Variants in SPRED1 observed in about 807,000 individuals in gnomAD.
The protein encoded by SPRED1 is sprouty related EVH1 domain containing 1.
Under a neutral mutation model 52.3 loss-of-function variants are expected in SPRED1, and 18 were observed. The observed-to-expected ratio is 0.34, with a 90% CI of 0.24 to 0.51. SPRED1 has a LOEUF of 0.51. SPRED1 is among the 20% of genes least tolerant of loss of function. SPRED1 has a pLI of 0.97. For synonymous variants in SPRED1, 155 were observed against 179.7 expected, an observed-to-expected ratio of 0.86 and a Z score of 1.10; for missense variants, 485 against 551.0, an observed-to-expected ratio of 0.88 and a Z score of 1.20.
At chr15:38,259,687 G>A (rs910305799) in intron 1 of SPRED1, among the ~76,000 whole-genome samples, 2 of 134,954 alleles carry the variant, frequency 1.5e-5, no homozygotes, top group African/African-American at 5.3e-5. Context: ...TTTACTTACA[G>A]AAGTAAGTTT....
rs766814966 is a variant in SPRED1 at position 38,351,267 on chromosome 15, C to T, written c.938C>T (p.Thr313Met). 44 of 1,613,904 alleles carry T rather than the reference C, an allele frequency of 2.7e-5. No individual in the cohort carries two copies. In the Admixed American group the frequency reaches 4.0e-4, roughly 15 times the overall value. Residue 313 changes from threonine (T) to methionine (M), a missense_variant, in exon 7 of 7, where the codon ACG becomes ATG. Coordinates refer to ENST00000299084, the MANE Select transcript of SPRED1 (RefSeq NM_152594.3). Reference sequence around the variant, plus strand: ...CCCAAAGACTCTGTGGTATTTAAGACGCAGCCTTCCTCATTAAAAATTAAG... The same window carrying T: ...CCCAAAGACTCTGTGGTATTTAAGATGCAGCCTTCCTCATTAAAAATTAAG... ...SSPKDSVVFKTQPSSLKIKKS... is the reference protein window; with the variant it reads ...SSPKDSVVFKMQPSSLKIKKS...
chr15:38,297,839 A>G (rs1430970455), intron 1 of SPRED1, among the ~76,000 whole-genome samples: 1 of 152,170 alleles, frequency 6.6e-6, no homozygotes, highest in East Asian at 1.9e-4. Context: ...TTTCACACGT[A>G]AGTTTGAGGC....
intron 1 of SPRED1, among the ~76,000 whole-genome samples, chr15:38,282,612 G>A (rs1250751495): frequency 2.0e-5 from 3 of 152,254 alleles, no homozygotes; most frequent in Admixed American, 6.5e-5. Context: ...CACTGATGTC[G>A]ATGGATAAGC....
intron 5 of SPRED1, among the ~76,000 whole-genome samples, chr15:38,349,206 A>G (rs1431860291): frequency 1.3e-5 from 2 of 152,104 alleles, no homozygotes; most frequent in African/African-American, 4.8e-5. Flanking sequence ...TTTTTTGACT[A>G]TGTATTCATT....
chr15:38,266,522 G>C (rs945352350), intron 1 of SPRED1, among the ~76,000 whole-genome samples: 18 of 151,976 alleles, frequency 1.2e-4, no homozygotes, highest in African/African-American at 4.1e-4. Context: ...CATGCCTGTA[G>C]TCCCAGCTAC....
At chr15:38,261,560 T>G (rs566478021) in intron 1 of SPRED1, among the ~76,000 whole-genome samples, 1 of 152,156 alleles carries the variant, frequency 6.6e-6, no homozygotes, top group South Asian at 2.1e-4. Context: ...AATTTGTTTT[T>G]GTTTTTGTTT....
chr15:38,282,506 C>CAA (rs373880075), intron 1 of SPRED1, among the ~76,000 whole-genome samples: 15 of 125,796 alleles, frequency 1.2e-4, no homozygotes, highest in South Asian at 2.6e-4. Flanking sequence ...GACCCCGTCT[C>CAA]AAAAAAAAAA....
intron 1 of SPRED1, among the ~76,000 whole-genome samples, chr15:38,275,164 T>TA (rs549711781): frequency 3.3e-5 from 5 of 152,256 alleles, no homozygotes; most frequent in Non-Finnish European, 7.3e-5. Context: ...TGGAATTTTA[T>TA]AGAAGAGCCT....
At chr15:38,296,439 T>G (rs1408966026) in intron 1 of SPRED1, among the ~76,000 whole-genome samples, 1 of 152,198 alleles carries the variant, frequency 6.6e-6, no homozygotes, top group Non-Finnish European at 1.5e-5. Context: ...CTGGTTCATG[T>G]GTAATATAGT....
chr15:38,255,733 C>T lies in SPRED1; in HGVS notation c.32+2516C>T, dbSNP rs1566845245. Among the ~76,000 whole-genome samples the T allele has an allele frequency of 2.0e-5, 3 of 152,240 alleles. No individual in the cohort carries two copies. In the East Asian group the frequency reaches 5.8e-4, roughly 29 times the overall value. ...GTATCATGGCAGAAGCCATTAAGGC[C>T]TTAGCACAGTTTAAAACTGCCCTGT... On this transcript the variant is annotated intron_variant, in intron 1 of 6. Transcript: ENST00000299084.
chr15:38,310,302 G>A (rs952493462), intron 2 of SPRED1, among the ~76,000 whole-genome samples: 3 of 151,908 alleles, frequency 2.0e-5, no homozygotes, highest in Non-Finnish European at 2.9e-5. Flanking sequence ...CACCACGCTC[G>A]CTAATTTTTG....
chr15:38,316,493 A>C (rs1895482594), intron 2 of SPRED1, among the ~76,000 whole-genome samples: 1 of 152,030 alleles, frequency 6.6e-6, no homozygotes, highest in Non-Finnish European at 1.5e-5. Flanking sequence ...TAAGCAACTT[A>C]GATTTGTTAA....
intron 2 of SPRED1, among the ~76,000 whole-genome samples, chr15:38,317,835 A>AT (rs1182861735): frequency 0.011 from 1,258 of 115,948 alleles, 16 homozygotes; most frequent in African/African-American, 0.036. Flanking sequence ...AACCCCATTG[A>AT]TTTTTTTTTT....
chr15:38,264,159 C>T (rs1393857341), intron 1 of SPRED1, among the ~76,000 whole-genome samples: 1 of 152,162 alleles, frequency 6.6e-6, no homozygotes, highest in African/African-American at 2.4e-5. Flanking sequence ...TTTAATCCTT[C>T]TAAAGATCAT....
intron 1 of SPRED1, among the ~76,000 whole-genome samples, chr15:38,292,085 T>G (rs1894935079): frequency 6.6e-6 from 1 of 152,230 alleles, no homozygotes; most frequent in African/African-American, 2.4e-5. Flanking sequence ...TAGAAATTTC[T>G]TCCCCCAGAT....
chr15:38,321,396 A>G (rs956157072), intron 2 of SPRED1, among the ~76,000 whole-genome samples: 1 of 152,048 alleles, frequency 6.6e-6, no homozygotes, highest in Non-Finnish European at 1.5e-5. Context: ...CGGTCATTCC[A>G]CTCTAAGCTC....
chr15:38,310,144 TGTGTGTGTG>T (rs1566863193), intron 2 of SPRED1, among the ~76,000 whole-genome samples: 15 of 136,110 alleles, frequency 1.1e-4, no homozygotes, highest in South Asian at 5.1e-4. Context: ...TGTGTGTGTG[TGTGTGTGTG>T]TTTGGAGACG....
intron 2 of SPRED1, among the ~76,000 whole-genome samples, chr15:38,312,301 G>T (rs1462039375): frequency 6.6e-6 from 1 of 152,120 alleles, no homozygotes; most frequent in African/African-American, 2.4e-5. Context: ...TAGAAATCCA[G>T]TGAGAGAAAA....
chr15:38,343,618 G>A (rs1204333208), intron 5 of SPRED1, among the ~76,000 whole-genome samples: 1 of 152,014 alleles, frequency 6.6e-6, no homozygotes, highest in Non-Finnish European at 1.5e-5. Context: ...AAAACTTCTA[G>A]ATCATCTGGG....
Sources: gnomAD v4.1 joint callset for allele counts (sites outside exome capture counted in the v4.1 genomes callset) on GRCh38, gnomAD v4.1.1 for gene constraint, MANE v1.5 for transcripts, NCBI Gene and HGNC (gene_info 2026-07-23, HGNC 2026-07-21) for gene names.